Variants in TMEM45A observed in about 807,000 individuals in gnomAD.
TMEM45A encodes the protein DNA polymerase-transactivated protein 4.
Under a neutral mutation model 32.0 loss-of-function variants are expected in TMEM45A, and 25 were observed. That is an observed-to-expected ratio of 0.78 (90% CI 0.57 to 1.09). The LOEUF (loss-of-function observed/expected upper bound fraction) is 1.09, where lower values mean the gene tolerates loss of function less well. TMEM45A is among the 50% of genes least tolerant of loss of function. TMEM45A has a pLI of 0.00. For missense variants in TMEM45A, 302 were observed against 325.0 expected (o/e 0.93, Z 0.54); for synonymous variants, 122 against 114.8 (o/e 1.06, Z -0.40).
chr3:100,549,647 G>C (rs2148975303), intron 1 of TMEM45A, among the ~76,000 whole-genome samples: 1 of 152,334 alleles, frequency 6.6e-6, no homozygotes, highest in East Asian at 1.9e-4. Context: ...GAGCACATTG[G>C]TTTAATCTCA....
chr3:100,540,156 T>C (rs1705838227), intron 1 of TMEM45A, among the ~76,000 whole-genome samples: 1 of 152,160 alleles, frequency 6.6e-6, no homozygotes, highest in Non-Finnish European at 1.5e-5. Context: ...CTCTTAATGG[T>C]GTCTTTCACC....
At chr3:100,547,854 C>A (rs1469938670) in intron 1 of TMEM45A, among the ~76,000 whole-genome samples, 2 of 152,158 alleles carry the variant, frequency 1.3e-5, no homozygotes, top group Non-Finnish European at 2.9e-5. Flanking sequence ...GAGTTAGTTA[C>A]AAGCAGGTGA....
At chr3:100,553,453 GA>G (rs1344441976) in intron 1 of TMEM45A, among the ~76,000 whole-genome samples, 2 of 152,054 alleles carry the variant, frequency 1.3e-5, no homozygotes, top group African/African-American at 2.4e-5. Context: ...CCTGTACTAA[GA>G]AATATAAAAT....
chr3:100,555,387 G>A lies in TMEM45A; in HGVS notation c.176G>A (p.Gly59Asp). 1.2e-6 allele frequency: 2 copies of A among 1,613,392 alleles called. No homozygotes were observed. Among genetic ancestry groups the A allele is most frequent in the South Asian group, 1.1e-5 (1 of 90,946 alleles). Residue 59 changes from glycine (G) to aspartate (D), a missense_variant, in exon 2 of 6, where the codon GGC becomes GAC. Gly to Asp is a moderately conservative substitution (Grantham distance 94). Coordinates refer to ENST00000323523, the MANE Select transcript of TMEM45A (RefSeq NM_018004.3). ...LEILEGITIV[G>D]MALTGMAGEQ... ...ATTTTGGAGGGAATTACAATAGTTG[G>A]CATGGCTTTAACTGGTGAGTGGACC...
At chr3:100,539,478 T>TGTATAC (rs796980657) in intron 1 of TMEM45A, among the ~76,000 whole-genome samples, 9 of 127,136 alleles carry the variant, frequency 7.1e-5, no homozygotes, top group South Asian at 5.2e-4. Flanking sequence ...TATATGTATA[T>TGTATAC]GTATATGTAT....
intron 1 of TMEM45A, among the ~76,000 whole-genome samples, chr3:100,494,747 G>A (rs1559630864): frequency 6.6e-6 from 1 of 152,192 alleles, no homozygotes; most frequent in Non-Finnish European, 1.5e-5. Flanking sequence ...GTATTGCAGA[G>A]AAGCGATGTA....
intron 1 of TMEM45A, among the ~76,000 whole-genome samples, chr3:100,527,778 G>T (rs1180251065): frequency 6.6e-6 from 1 of 152,172 alleles, no homozygotes; most frequent in Admixed American, 6.5e-5. Flanking sequence ...ATTTCTAATT[G>T]TATTAATGAG....
chr3:100,510,691 T>G (rs1406930037), intron 1 of TMEM45A, among the ~76,000 whole-genome samples: 1 of 152,212 alleles, frequency 6.6e-6, no homozygotes, highest in Non-Finnish European at 1.5e-5. Context: ...CGGGAGGACA[T>G]TCAAACCAAA....
intron 1 of TMEM45A, among the ~76,000 whole-genome samples, chr3:100,511,240 T>A (rs969278312): frequency 2.0e-5 from 3 of 151,992 alleles, no homozygotes; most frequent in Non-Finnish European, 2.9e-5. Flanking sequence ...TGGGTTACCC[T>A]CAAAGGGAAG....
chr3:100,541,383 AG>A (rs1705871996), intron 1 of TMEM45A, among the ~76,000 whole-genome samples: 1 of 152,126 alleles, frequency 6.6e-6, no homozygotes, highest in Non-Finnish European at 1.5e-5. Context: ...TTGGGGACTT[AG>A]TCAAAAATCC....
intron 1 of TMEM45A, among the ~76,000 whole-genome samples, chr3:100,524,716 G>C (rs1349589319): frequency 2.6e-5 from 4 of 152,208 alleles, no homozygotes; most frequent in Non-Finnish European, 5.9e-5. Flanking sequence ...TTTTGAGTCT[G>C]TGGAGGCTTT....
chr3:100,542,261 G>A (rs969986058), intron 1 of TMEM45A, among the ~76,000 whole-genome samples: 2 of 152,100 alleles, frequency 1.3e-5, no homozygotes, highest in African/African-American at 4.8e-5. Context: ...CCATTTTAAT[G>A]ATATTGATTC....
rs766210908 is a variant in TMEM45A at position 100,568,821 on chromosome 3, G to T, written c.589-1G>T. 2 of 1,596,186 alleles carry T rather than the reference G, an allele frequency of 1.3e-6. No homozygotes were observed. ...TATATGCTTTTTGTTCTAAATTACA[G>T]ATTGGATTTGTCCTGTATCCCCCCA... On this transcript the variant is annotated splice_acceptor_variant, in intron 4 of 5. Coordinates refer to ENST00000323523, the MANE Select transcript of TMEM45A (RefSeq NM_018004.3). LOFTEE classifies it high-confidence loss of function.
chr3:100,505,084 G>A (rs561996434), intron 1 of TMEM45A, among the ~76,000 whole-genome samples: 2 of 152,216 alleles, frequency 1.3e-5, no homozygotes, highest in Non-Finnish European at 2.9e-5. Flanking sequence ...CAGACTCATT[G>A]CTGGGGAGTG....
intron 1 of TMEM45A, among the ~76,000 whole-genome samples, chr3:100,499,588 G>A (rs1174547771): frequency 2.6e-5 from 4 of 152,086 alleles, no homozygotes; most frequent in African/African-American, 9.7e-5. Flanking sequence ...AAAAAATTCT[G>A]TACTTGGATC....
At chr3:100,510,356 C>A (rs1465768575) in intron 1 of TMEM45A, among the ~76,000 whole-genome samples, 1 of 152,202 alleles carries the variant, frequency 6.6e-6, no homozygotes, top group Non-Finnish European at 1.5e-5. Flanking sequence ...CCAGCAGGGG[C>A]AGACTGACAC....
At chr3:100,513,075 A>G (rs1359380286) in intron 1 of TMEM45A, among the ~76,000 whole-genome samples, 2 of 149,220 alleles carry the variant, frequency 1.3e-5, no homozygotes, top group African/African-American at 5.0e-5. Flanking sequence ...ATTCCTTCTG[A>G]AACTATTCCA....
At chr3:100,545,511 A>T (rs1268743150) in intron 1 of TMEM45A, among the ~76,000 whole-genome samples, 1 of 152,066 alleles carries the variant, frequency 6.6e-6, no homozygotes, top group East Asian at 1.9e-4. Context: ...TGTTCCTTCC[A>T]ATGTGAGTTT....
chr3:100,563,627 C>T (rs1706374602), intron 4 of TMEM45A, among the ~76,000 whole-genome samples: 1 of 152,146 alleles, frequency 6.6e-6, no homozygotes, highest in African/African-American at 2.4e-5. Flanking sequence ...AAGAGGAAGG[C>T]ATGAGACCCC....
Sources: allele counts gnomAD v4.1 joint callset (sites outside exome capture counted in the v4.1 genomes callset), GRCh38; gene constraint gnomAD v4.1.1; transcripts MANE v1.5; gene names NCBI Gene and HGNC (gene_info 2026-07-23, HGNC 2026-07-21).